RIMS1: variants seen among roughly 807,000 people sequenced by gnomAD.
RIMS1 encodes the protein regulating synaptic membrane exocytosis 1.
A neutral mutation model predicts 214.1 loss-of-function variants in RIMS1; 83 were observed. That is an observed-to-expected ratio of 0.39 (90% CI 0.32 to 0.47). RIMS1 has a LOEUF of 0.47. Among genes scored for constraint, RIMS1 ranks in the 20% least tolerant of loss-of-function variants. The pLI, the probability that RIMS1 is intolerant of heterozygous loss-of-function variation, is 0.99. For synonymous variants in RIMS1, 793 were observed against 786.8 expected (o/e 1.01, Z -0.13); for missense variants, 2,050 against 2,161.8 (o/e 0.95, Z 1.03).
chr6:72,199,888 T>G (rs2051628024), intron 6 of RIMS1, among the ~76,000 whole-genome samples: 1 of 152,062 alleles, frequency 6.6e-6, no homozygotes, highest in South Asian at 2.1e-4. Context: ...TAGGATGTTT[T>G]CCATTAGAAC....
At chr6:72,301,559 CATT>C (rs2094605678) in intron 26 of RIMS1, among the ~76,000 whole-genome samples, 1 of 151,278 alleles carries the variant, frequency 6.6e-6, no homozygotes, top group Non-Finnish European at 1.5e-5. Context: ...TTTTTCTTGT[CATT>C]ATTCTATAAA....
At chr6:72,298,706 C>T (rs1452830071) in intron 26 of RIMS1, among the ~76,000 whole-genome samples, 1 of 152,008 alleles carries the variant, frequency 6.6e-6, no homozygotes, top group Non-Finnish European at 1.5e-5. Flanking sequence ...CTCCACACCA[C>T]GTTCCTGTAA....
intron 2 of RIMS1, among the ~76,000 whole-genome samples, chr6:71,991,330 T>G (rs1030748107): frequency 6.6e-6 from 1 of 152,248 alleles, no homozygotes; most frequent in African/African-American, 2.4e-5. Context: ...TGAACATGTC[T>G]TTTAAAAATG....
chr6:71,975,391 T>C (rs1796883387), intron 2 of RIMS1, among the ~76,000 whole-genome samples: 1 of 152,092 alleles, frequency 6.6e-6, no homozygotes, highest in African/African-American at 2.4e-5. Flanking sequence ...AAAGTTAGAA[T>C]TTGAAGGTGA....
rs541213866 is a variant in RIMS1 at position 72,158,880 on chromosome 6, G to A, written c.472-20695G>A. Among the ~76,000 whole-genome samples, 2 of 140,576 alleles carry A rather than the reference G, an allele frequency of 1.4e-5. 1 individual carries two copies. Among genetic ancestry groups the A allele is most frequent in the East Asian group, 4.0e-4 (2 of 4,940 alleles). The allele number at this position is 140,576 out of a possible 152,430, so 92.2% of individuals were successfully genotyped here. ...TGGCAATAAACATATGTGTGCATGT[G>A]TCTTTATAGCAGCATGATTTATAAT... On this transcript the variant is annotated intron_variant, in intron 4 of 33. Transcript: ENST00000521978.
At chr6:72,149,798 C>A (rs1454695623) in intron 4 of RIMS1, among the ~76,000 whole-genome samples, 1 of 152,186 alleles carries the variant, frequency 6.6e-6, no homozygotes, top group Non-Finnish European at 1.5e-5. Flanking sequence ...CTTGATTGAG[C>A]CTTTCTTGGC....
intron 29 of RIMS1, among the ~76,000 whole-genome samples, chr6:72,359,667 A>G (rs17690717): frequency 0.19 from 29,137 of 152,134 alleles, 3,473 homozygotes; most frequent in Middle Eastern, 0.27. Flanking sequence ...ATTGACTACT[A>G]TATTTTGATG....
chr6:72,182,665 CGAGGCGGGCGCGGCGCTGCCG>C lies in RIMS1; in HGVS notation c.1199_1219del (p.Ala400_Glu406del). On this transcript the variant is annotated inframe_deletion, in exon 6 of 34. Coordinates refer to ENST00000521978, the MANE Select transcript of RIMS1 (RefSeq NM_014989.7). ...ACAGCGACGTGGCGCTCCCGCGCACCGAGGCGGGCGCGGCGCTGCCGGAGGGCAAGGCCGGCAAACGCGCGC... is the reference window on the plus strand; with the variant it reads ...ACAGCGACGTGGCGCTCCCGCGCACCGAGGGCAAGGCCGGCAAACGCGCGC... The C allele has an allele frequency of 6.9e-7, 1 of 1,458,396 alleles. No individual in the cohort carries two copies. The highest frequency in any genetic ancestry group is 9.0e-7 in the Non-Finnish European group (1 of 1,110,350). 90.3% of individuals were successfully genotyped at this position (1,458,396 alleles called of 1,614,324 possible).
intron 4 of RIMS1, among the ~76,000 whole-genome samples, chr6:72,110,828 T>C (rs1228964121): frequency 6.6e-6 from 1 of 152,182 alleles, no homozygotes; most frequent in Non-Finnish European, 1.5e-5. Context: ...AGTATGATAT[T>C]GGCTGTGGAT....
At chr6:71,995,122 CAT>C (rs745692354) in intron 2 of RIMS1, among the ~76,000 whole-genome samples, 59 of 152,152 alleles carry the variant, frequency 3.9e-4, no homozygotes, top group African/African-American at 1.3e-3. Context: ...GAAGAAAAGA[CAT>C]GTGATGTAGG....
intron 6 of RIMS1, among the ~76,000 whole-genome samples, chr6:72,210,263 T>C (rs1589158612): frequency 6.6e-6 from 1 of 152,330 alleles, no homozygotes; most frequent in East Asian, 1.9e-4. Context: ...TTCTGCAAAA[T>C]AGCAGGCTTA....
intron 29 of RIMS1, among the ~76,000 whole-genome samples, chr6:72,345,900 TGTTGAGCTTGG>T (rs1378149739): frequency 8.6e-5 from 13 of 151,912 alleles, no homozygotes; most frequent in Admixed American, 1.3e-4. Context: ...ATTCTGGCAG[TGTTGAGCTTGG>T]GACCATCATA....
chr6:72,284,307 G>C (rs530795991), intron 24 of RIMS1, among the ~76,000 whole-genome samples, 189 bp downstream of exon 24: 6 of 152,140 alleles, frequency 3.9e-5, no homozygotes, highest in African/African-American at 1.4e-4. Flanking sequence ...ATTTCAAGGC[G>C]GTTCTTAAAT....
At chr6:72,104,219 A>G (rs1484358181) in intron 4 of RIMS1, among the ~76,000 whole-genome samples, 3 of 152,206 alleles carry the variant, frequency 2.0e-5, no homozygotes, top group Non-Finnish European at 4.4e-5. Context: ...CTGCTTTTTA[A>G]GCTCACAAAG....
intron 2 of RIMS1, among the ~76,000 whole-genome samples, chr6:71,974,821 G>A (rs370651901): frequency 6.6e-6 from 1 of 152,108 alleles, no homozygotes; most frequent in East Asian, 1.9e-4. Context: ...AAAACAGTTG[G>A]CTATTCTATT....
chr6:72,287,706 C>T (rs2154240737), intron 24 of RIMS1, among the ~76,000 whole-genome samples: 1 of 151,962 alleles, frequency 6.6e-6, no homozygotes, highest in Admixed American at 6.6e-5. Context: ...AGTGATTCTC[C>T]TGCCTCAGCC....
chr6:72,389,583 G>A (rs1048573185), intron 29 of RIMS1, among the ~76,000 whole-genome samples: 1 of 152,102 alleles, frequency 6.6e-6, no homozygotes, highest in Admixed American at 6.5e-5. Flanking sequence ...AAGGTTTTAT[G>A]TGGATTGAAA....
chr6:72,266,317 C>G, intron 22 of RIMS1: 1 of 483,988 alleles, frequency 2.1e-6, no homozygotes, highest in Non-Finnish European at 3.8e-6. Context: ...TGCTTTTCCC[C>G]TTTTGTTGCT....
chr6:72,107,585 A>G (rs1421275474), intron 4 of RIMS1, among the ~76,000 whole-genome samples: 1 of 152,086 alleles, frequency 6.6e-6, no homozygotes, highest in Non-Finnish European at 1.5e-5. Flanking sequence ...AGAAAGAAAG[A>G]AATGAAATAC....
Sources: gnomAD v4.1 joint callset for allele counts (sites outside exome capture counted in the v4.1 genomes callset) on GRCh38, gnomAD v4.1.1 for gene constraint, MANE v1.5 for transcripts, NCBI Gene and HGNC (gene_info 2026-07-23, HGNC 2026-07-21) for gene names.